LUZP2: variants seen among roughly 807,000 people sequenced by gnomAD.
LUZP2 encodes the protein leucine zipper protein 2.
Under a neutral mutation model 51.6 loss-of-function variants are expected in LUZP2, and 52 were observed. The observed-to-expected ratio is 1.01, with a 90% CI of 0.81 to 1.27. The LOEUF is 1.27. Ranked by LOEUF, LUZP2 falls within the 50% of genes most tolerant of loss-of-function variation. The pLI is 0.00. For synonymous variants in LUZP2, 154 were observed against 137.3 expected (o/e 1.12, Z -0.85); for missense variants, 436 against 395.4 (o/e 1.10, Z -0.87).
intron 1 of LUZP2, among the ~76,000 whole-genome samples, chr11:24,619,389 A>G (rs984046143): frequency 2.6e-5 from 4 of 152,158 alleles, no homozygotes; most frequent in African/African-American, 4.8e-5. Flanking sequence ...CATCTGCTGT[A>G]CTAGACTCCC....
chr11:24,555,154 G>A (rs908568740), intron 1 of LUZP2, among the ~76,000 whole-genome samples: 5 of 152,078 alleles, frequency 3.3e-5, no homozygotes, highest in Admixed American at 6.6e-5. Context: ...AATATTTGAT[G>A]AAAAAGCTGG....
chr11:24,687,910 C>T (rs1298995147), intron 1 of LUZP2, among the ~76,000 whole-genome samples: 1 of 152,082 alleles, frequency 6.6e-6, no homozygotes, highest in Non-Finnish European at 1.5e-5. Context: ...TCTCTAAGTT[C>T]TCTTCCTGGG....
At chr11:24,989,215 C>T (rs1856265630) in intron 9 of LUZP2, among the ~76,000 whole-genome samples, 1 of 151,938 alleles carries the variant, frequency 6.6e-6, no homozygotes, top group Non-Finnish European at 1.5e-5. Flanking sequence ...GGCTACCTTA[C>T]TAGCCCTGTT....
At chr11:24,681,056 A>T (rs1344830461) in intron 1 of LUZP2, among the ~76,000 whole-genome samples, 1 of 147,824 alleles carries the variant, frequency 6.8e-6, no homozygotes, top group Admixed American at 7.0e-5. Flanking sequence ...ATCTCGGCTC[A>T]CTGCAAGCTC....
At chr11:25,061,369 C>G (rs1384987918) in intron 10 of LUZP2, among the ~76,000 whole-genome samples, 5 of 152,118 alleles carry the variant, frequency 3.3e-5, no homozygotes. Context: ...ATCACAGAAA[C>G]AAACAGGTTA....
intron 1 of LUZP2, among the ~76,000 whole-genome samples, chr11:24,648,113 CA>C (rs921939339): frequency 6.6e-5 from 10 of 151,394 alleles, no homozygotes; most frequent in East Asian, 1.9e-4. Flanking sequence ...AACACTGATG[CA>C]AAAAAAATGC....
At chr11:24,659,560 TTAAGTA>T (rs1714441086) in intron 1 of LUZP2, among the ~76,000 whole-genome samples, 2 of 151,864 alleles carry the variant, frequency 1.3e-5, no homozygotes, top group African/African-American at 4.8e-5. Context: ...CCCTAAAACT[TTAAGTA>T]TAATTAAAAA....
At chr11:24,996,264 A>G (rs1241605770) in intron 9 of LUZP2, among the ~76,000 whole-genome samples, 1 of 151,558 alleles carries the variant, frequency 6.6e-6, no homozygotes, top group Non-Finnish European at 1.5e-5. Flanking sequence ...TCTATTAAAT[A>G]AATAATACGT....
At chr11:24,911,772 T>TG (rs1406296531) in intron 6 of LUZP2, among the ~76,000 whole-genome samples, 5 of 152,314 alleles carry the variant, frequency 3.3e-5, no homozygotes, top group African/African-American at 1.2e-4. Flanking sequence ...TTGAGTCACT[T>TG]GGGAAGCTGT....
At chr11:24,797,127 GA>G (rs1849569011) in intron 5 of LUZP2, among the ~76,000 whole-genome samples, 1 of 152,130 alleles carries the variant, frequency 6.6e-6, no homozygotes, top group East Asian at 1.9e-4. Flanking sequence ...GATGTGGCCA[GA>G]ATTAAATGAA....
intron 5 of LUZP2, among the ~76,000 whole-genome samples, chr11:24,857,575 T>A (rs1851609225): frequency 6.7e-6 from 1 of 149,130 alleles, no homozygotes; most frequent in South Asian, 2.1e-4. Flanking sequence ...TTTTTTTTTT[T>A]ATCTTTAGGA....
intron 5 of LUZP2, among the ~76,000 whole-genome samples, chr11:24,862,599 T>A (rs1459291948): frequency 1.3e-5 from 2 of 152,152 alleles, no homozygotes; most frequent in Non-Finnish European, 2.9e-5. Flanking sequence ...GCAAACTGGA[T>A]AAAGAGTCAA....
intron 5 of LUZP2, among the ~76,000 whole-genome samples, chr11:24,788,180 ATTTTTT>A (rs61308017): frequency 3.1e-4 from 26 of 83,404 alleles, no homozygotes; most frequent in African/African-American, 1.1e-3. Context: ...TTTGTTTTTA[ATTTTTT>A]TTTTTTTTTT....
intron 5 of LUZP2, among the ~76,000 whole-genome samples, chr11:24,897,930 T>A (rs1237018856): frequency 1.3e-5 from 2 of 152,170 alleles, no homozygotes; most frequent in African/African-American, 4.8e-5. Flanking sequence ...TGGAAGAGAA[T>A]AACATAGTGA....
intron 7 of LUZP2, among the ~76,000 whole-genome samples, chr11:24,921,349 C>T (rs1197411936): frequency 2.0e-5 from 3 of 152,120 alleles, no homozygotes; most frequent in African/African-American, 7.2e-5. Context: ...TATGTAGCTT[C>T]CAGAAACCTG....
chr11:24,556,967 A>G (rs16912808), intron 1 of LUZP2, among the ~76,000 whole-genome samples: 3,395 of 152,228 alleles, frequency 0.022, 114 homozygotes, highest in African/African-American at 0.061. Flanking sequence ...TGCAATGTTC[A>G]GTATTTCATC....
At chr11:24,550,064 C>T (rs939446307) in intron 1 of LUZP2, among the ~76,000 whole-genome samples, 1 of 151,954 alleles carries the variant, frequency 6.6e-6, no homozygotes, top group African/African-American at 2.4e-5. Flanking sequence ...AATATTCCTA[C>T]AATTATGTGA....
At chr11:24,666,487 A>G (rs1253370322) in intron 1 of LUZP2, among the ~76,000 whole-genome samples, 2 of 152,208 alleles carry the variant, frequency 1.3e-5, no homozygotes, top group Non-Finnish European at 2.9e-5. Context: ...TAATCATTGG[A>G]AAAGATGGAA....
chr11:24,650,617 C>T (rs1187988802), intron 1 of LUZP2, among the ~76,000 whole-genome samples: 2 of 152,098 alleles, frequency 1.3e-5, no homozygotes, highest in Non-Finnish European at 2.9e-5. Context: ...AATGAACACT[C>T]ACCAATGATC....
Sources: allele counts gnomAD v4.1 joint callset (sites outside exome capture counted in the v4.1 genomes callset), GRCh38; gene constraint gnomAD v4.1.1; transcripts MANE v1.5; gene names NCBI Gene and HGNC (gene_info 2026-07-23, HGNC 2026-07-21).